The following SPMIP7 variants were observed in gnomAD, a reference collection of about 807,000 sequenced individuals.
SPMIP7 encodes protein SPMIP7.
the SPMIP7 span, chr7:50,096,570 A>G: frequency 6.4e-7 from 1 of 1,552,042 alleles, no homozygotes; most frequent in Non-Finnish European, 8.7e-7. Flanking sequence ...CTATCAGAAG[A>G]ACTGCAACAG....
At chr7:50,127,754 C>T in the SPMIP7 span, among the ~76,000 whole-genome samples, 1 of 151,326 alleles carries the variant, frequency 6.6e-6, no homozygotes, top group Admixed American at 6.6e-5. Context: ...ACATCAAAAC[C>T]ACAGTGAGAT....
the SPMIP7 span, among the ~76,000 whole-genome samples, chr7:50,146,285 CT>C: frequency 6.6e-6 from 1 of 152,200 alleles, no homozygotes. Context: ...GCCAAGATCA[CT>C]CATTTCATGA....
chr7:50,139,208 G>A, the SPMIP7 span, among the ~76,000 whole-genome samples: 1 of 151,912 alleles, frequency 6.6e-6, no homozygotes, highest in Non-Finnish European at 1.5e-5. Flanking sequence ...AATTAGCTGG[G>A]TGTGGTGGCA....
chr7:50,133,012 G>T, the SPMIP7 span, among the ~76,000 whole-genome samples: 2 of 152,110 alleles, frequency 1.3e-5, no homozygotes, highest in Non-Finnish European at 2.9e-5. Flanking sequence ...GGAAAGATAT[G>T]CCTTGTCCAT....
chr7:50,141,307 A>T, the SPMIP7 span: 1 of 1,551,848 alleles, frequency 6.4e-7, no homozygotes. Flanking sequence ...ACAAATGCTG[A>T]TGATGTTGAC....
chr7:50,157,358 G>A, the SPMIP7 span, among the ~76,000 whole-genome samples: 2 of 152,148 alleles, frequency 1.3e-5, no homozygotes, highest in African/African-American at 4.8e-5. Context: ...GATGTGACCT[G>A]TCTCCAAAGT....
chr7:50,106,259 G>T, the SPMIP7 span, among the ~76,000 whole-genome samples: 1 of 152,264 alleles, frequency 6.6e-6, no homozygotes, highest in Admixed American at 6.5e-5. Context: ...GAAAGAATTT[G>T]CAATTTTTGA....
the SPMIP7 span, chr7:50,141,177 A>C: frequency 1.4e-6 from 1 of 710,482 alleles, no homozygotes; most frequent in Non-Finnish European, 2.4e-6. Flanking sequence ...CCTTTGATCT[A>C]CTTTGGCAAA....
the SPMIP7 span, among the ~76,000 whole-genome samples, chr7:50,110,522 A>G: frequency 6.9e-6 from 1 of 145,100 alleles, no homozygotes; most frequent in African/African-American, 2.5e-5. Context: ...TATTTGATAC[A>G]TTATATTTAT....
At chr7:50,118,500 A>T in the SPMIP7 span, among the ~76,000 whole-genome samples, 2 of 152,146 alleles carry the variant, frequency 1.3e-5, no homozygotes, top group South Asian at 4.1e-4. Flanking sequence ...TTTCAGTGGG[A>T]TATCTGTATA....
chr7:50,131,556 A>G, the SPMIP7 span, among the ~76,000 whole-genome samples: 1 of 152,182 alleles, frequency 6.6e-6, no homozygotes, highest in Non-Finnish European at 1.5e-5. Context: ...AAGTATAGTC[A>G]TACAGGCAAA....
At chr7:50,139,167 G>A in the SPMIP7 span, among the ~76,000 whole-genome samples, 1 of 152,012 alleles carries the variant, frequency 6.6e-6, no homozygotes, top group Non-Finnish European at 1.5e-5. Context: ...TGGCCAACGT[G>A]GTGAAACCCC....
chr7:50,141,727 C>T, the SPMIP7 span: 36 of 76,946 alleles, frequency 4.7e-4, no homozygotes, highest in South Asian at 9.8e-4. Context: ...AGAGGAATCA[C>T]TTTTTTTTTT....
the SPMIP7 span, among the ~76,000 whole-genome samples, chr7:50,148,274 T>C: frequency 6.6e-6 from 1 of 152,238 alleles, no homozygotes; most frequent in African/African-American, 2.4e-5. Context: ...AGTCTAATCT[T>C]CCATGAAATG....
At chr7:50,103,334 A>C in the SPMIP7 span, among the ~76,000 whole-genome samples, 1 of 152,088 alleles carries the variant, frequency 6.6e-6, no homozygotes, top group African/African-American at 2.4e-5. Flanking sequence ...TCTCTATGGA[A>C]ACTACCAGAG....
chr7:50,137,004 G>A, the SPMIP7 span, among the ~76,000 whole-genome samples: 12 of 151,872 alleles, frequency 7.9e-5, no homozygotes, highest in East Asian at 1.9e-4. Flanking sequence ...TATCTTCCTC[G>A]TGGAGCATGA....
the SPMIP7 span, among the ~76,000 whole-genome samples, chr7:50,150,615 A>G: frequency 2.0e-5 from 3 of 152,204 alleles, no homozygotes; most frequent in Non-Finnish European, 4.4e-5. Flanking sequence ...GGCCTGTCCC[A>G]TAAGCCTTAC....
At chr7:50,139,045 A>T in the SPMIP7 span, among the ~76,000 whole-genome samples, 2 of 152,162 alleles carry the variant, frequency 1.3e-5, no homozygotes, top group East Asian at 3.9e-4. Context: ...AAAAGATTGA[A>T]ATATTTAAAA....
the SPMIP7 span, among the ~76,000 whole-genome samples, chr7:50,129,281 C>T: frequency 6.6e-6 from 1 of 151,716 alleles, no homozygotes; most frequent in East Asian, 1.9e-4. Context: ...TAAATAGTAA[C>T]CATTAAAGAT....
Sources: allele counts gnomAD v4.1 joint callset (sites outside exome capture counted in the v4.1 genomes callset), GRCh38; gene constraint gnomAD v4.1.1; transcripts MANE v1.5; gene names NCBI Gene and HGNC (gene_info 2026-07-23, HGNC 2026-07-21).